The following MYOF variants were observed in gnomAD, a reference collection of about 807,000 sequenced individuals.
The protein encoded by MYOF is myoferlin.
Under a neutral mutation model 284.2 loss-of-function variants are expected in MYOF, and 244 were observed. The ratio of observed to expected loss-of-function variants is 0.86; its 90% CI spans 0.77 to 0.95. The LOEUF (loss-of-function observed/expected upper bound fraction) is 0.95. MYOF is among the 40% of genes least tolerant of loss of function. The pLI is 0.00. For missense variants in MYOF, 2,496 were observed against 2,560.6 expected (o/e 0.97, Z 0.54); for synonymous variants, 904 against 919.7 (o/e 0.98, Z 0.31).
intron 10 of MYOF, among the ~76,000 whole-genome samples, 157 bp from the exon 11 acceptor site, chr10:93,402,504 G>A (rs756730229): frequency 1.3e-5 from 2 of 151,920 alleles, no homozygotes; most frequent in Non-Finnish European, 2.9e-5. Flanking sequence ...CTTCTGTTTT[G>A]TACTCTCCCT....
chr10:93,403,987 T>C (rs1016724776), intron 9 of MYOF, 36 bp downstream of exon 9: 7 of 1,603,878 alleles, frequency 4.4e-6, no homozygotes, highest in Non-Finnish European at 6.0e-6. Context: ...TTCTCATCTT[T>C]CTGTAAGTTG....
At chr10:93,319,783 A>G (rs1229066779) in intron 49 of MYOF, 89 bp downstream of exon 49, 27 of 1,559,276 alleles carry the variant, frequency 1.7e-5, no homozygotes, top group Middle Eastern at 1.9e-4. Flanking sequence ...GTGACCTCCG[A>G]GATCCTGAGC....
At chr10:93,307,658 C>T (rs150838304) in intron 53 of MYOF, among the ~76,000 whole-genome samples, 3,954 of 145,112 alleles carry the variant, frequency 0.027, 96 homozygotes, top group South Asian at 0.1. Context: ...GAGTTTTGCA[C>T]TTGTCACCCA....
intron 45 of MYOF, among the ~76,000 whole-genome samples, chr10:93,327,956 G>C (rs897568620): frequency 1.3e-5 from 2 of 152,028 alleles, no homozygotes; most frequent in African/African-American, 2.4e-5. Flanking sequence ...TTTTAGTAGA[G>C]TTGGGCTTTC....
intron 49 of MYOF, among the ~76,000 whole-genome samples, chr10:93,319,638 T>C (rs1166046177): frequency 6.6e-6 from 1 of 152,114 alleles, no homozygotes; most frequent in Non-Finnish European, 1.5e-5. Context: ...GCCACCAGTA[T>C]GTGAGTATGT....
intron 5 of MYOF, among the ~76,000 whole-genome samples, chr10:93,414,003 AAAAAG>A (rs975200515): frequency 2.0e-5 from 3 of 152,134 alleles, no homozygotes; most frequent in African/African-American, 7.2e-5. Context: ...GAAAGGTAAG[AAAAAG>A]AAAAGAAAAG....
intron 24 of MYOF, among the ~76,000 whole-genome samples, chr10:93,370,340 CAG>C (rs1845532324): frequency 1.9e-5 from 2 of 106,856 alleles, no homozygotes; most frequent in Non-Finnish European, 3.2e-5. Context: ...TTTTTTGAGA[CAG>C]AGTCTCACTC....
At chr10:93,332,050 C>T (rs1360233138) in intron 43 of MYOF, among the ~76,000 whole-genome samples, 1 of 152,156 alleles carries the variant, frequency 6.6e-6, no homozygotes, top group African/African-American at 2.4e-5. Context: ...GGCTCTATCA[C>T]TTACCCCACC....
At position 93,449,077 on chromosome 10, in the gene MYOF, G is replaced by A. The variant is rs181147684; in HGVS notation, c.236+2973C>T. ...TGAAACCATCCTGTCCAATATGGTG[G>A]CCACTAGCTACACGTGGCTACAGAG... is the stretch of plus-strand genomic sequence containing the variant. On this transcript the variant is annotated intron_variant, in intron 3 of 53. Coordinates refer to ENST00000359263, the MANE Select transcript of MYOF (RefSeq NM_013451.4). 7.4e-4 allele frequency among the ~76,000 whole-genome samples: 112 copies of A among 152,254 alleles called. No individual in the cohort carries two copies. In the Middle Eastern group the frequency reaches 0.014, roughly 18 times the overall value.
chr10:93,481,274 C>T lies in MYOF; in HGVS notation c.88+833G>A, dbSNP rs185963102. 3.6e-3 allele frequency among the ~76,000 whole-genome samples: 542 copies of T among 152,272 alleles called. 2 individuals are homozygous for T. The highest frequency in any genetic ancestry group is 0.012 in the African/African-American group (504 of 41,550). On this transcript the variant is annotated intron_variant, in intron 1 of 53. Transcript: ENST00000359263. ...GGAGTGCAGTGGCGTGATCACGGCT[C>T]ACTGTAGCCTCAAACTCCTGGGCTC...
In MYOF at chr10:93,323,065, A is replaced by G. The variant is rs1842905420; in HGVS notation, c.5456+13T>C. 6.2e-7 allele frequency: 1 copy of G among 1,610,420 alleles called. No individual in the cohort carries two copies. Among genetic ancestry groups the G allele is most frequent in the Non-Finnish European group, 8.5e-7 (1 of 1,176,584 alleles). ...CCCTGAGCTTGGCAAAGTCTCTCACATGCTAACCTTACCCTTTGACGTAGA... is the reference window on the plus strand; with the variant it reads ...CCCTGAGCTTGGCAAAGTCTCTCACGTGCTAACCTTACCCTTTGACGTAGA... On this transcript the variant is annotated intron_variant, in intron 48 of 53. Transcript: ENST00000359263.
At chr10:93,422,207 C>T (rs566816950) in intron 5 of MYOF, among the ~76,000 whole-genome samples, 66 of 152,338 alleles carry the variant, frequency 4.3e-4, no homozygotes, top group Middle Eastern at 3.4e-3. Context: ...TGCAGACCAA[C>T]ACTTGGTGAC....
chr10:93,432,507 T>C (rs909748008), intron 3 of MYOF, among the ~76,000 whole-genome samples: 1 of 152,056 alleles, frequency 6.6e-6, no homozygotes. Flanking sequence ...TTCTCTGTAA[T>C]AGAAATGTAA....
chr10:93,327,953 A>G (rs765799796), intron 45 of MYOF, among the ~76,000 whole-genome samples: 1 of 151,984 alleles, frequency 6.6e-6, no homozygotes, highest in Non-Finnish European at 1.5e-5. Flanking sequence ...TATTTTTAGT[A>G]GAGTTGGGCT....
chr10:93,309,553 C>T (rs1321293906), intron 53 of MYOF, among the ~76,000 whole-genome samples: 1 of 151,884 alleles, frequency 6.6e-6, no homozygotes, highest in Non-Finnish European at 1.5e-5. Flanking sequence ...TAGGTAAGGG[C>T]AATAATATTT....
At chr10:93,417,431 C>G (rs1385398338) in intron 5 of MYOF, among the ~76,000 whole-genome samples, 1 of 152,162 alleles carries the variant, frequency 6.6e-6, no homozygotes, top group African/African-American at 2.4e-5. Context: ...ATGACACTTG[C>G]CTACATGGCA....
intron 50 of MYOF, 54 bp from the exon 51 acceptor site, chr10:93,313,264 G>A (rs894429578): frequency 2.0e-5 from 30 of 1,531,492 alleles, no homozygotes; most frequent in Non-Finnish European, 2.4e-5. Flanking sequence ...ATCAGCTGTT[G>A]TTCACAAGTG....
chr10:93,309,454 A>G (rs1466152518), intron 53 of MYOF, among the ~76,000 whole-genome samples: 1 of 152,078 alleles, frequency 6.6e-6, no homozygotes, highest in Non-Finnish European at 1.5e-5. Context: ...TTTAAGGGGG[A>G]GGTTATACGT....
chr10:93,406,806 G>A (rs756226412), intron 7 of MYOF, among the ~76,000 whole-genome samples: 11 of 151,876 alleles, frequency 7.2e-5, no homozygotes, highest in African/African-American at 1.7e-4. Flanking sequence ...ATAGAAACGC[G>A]GCATAGAAGA....
Sources: allele counts gnomAD v4.1 joint callset (sites outside exome capture counted in the v4.1 genomes callset), GRCh38; gene constraint gnomAD v4.1.1; transcripts MANE v1.5; gene names NCBI Gene and HGNC (gene_info 2026-07-23, HGNC 2026-07-21).